The following CADM2 variants were observed in gnomAD, a reference collection of about 807,000 sequenced individuals.
The protein encoded by CADM2 is immunoglobulin superfamily member 4D.
CADM2 carries 12 observed loss-of-function variants against 49.8 expected under a neutral mutation model. That is an observed-to-expected ratio of 0.24 (90% CI 0.15 to 0.39). The LOEUF (loss-of-function observed/expected upper bound fraction) is 0.39, where lower values mean the gene tolerates loss of function less well. Among genes scored for constraint, CADM2 ranks in the 10% least tolerant of loss-of-function variants. CADM2 has a pLI of 1.00. For missense variants in CADM2, 378 were observed against 492.3 expected, an observed-to-expected ratio of 0.77 and a Z score of 2.20; for synonymous variants, 214 against 175.4, an observed-to-expected ratio of 1.22 and a Z score of -1.74.
intron 1 of CADM2, among the ~76,000 whole-genome samples, chr3:85,287,267 C>T (rs1576283892): frequency 6.6e-6 from 1 of 151,520 alleles, no homozygotes; most frequent in African/African-American, 2.4e-5. Context: ...GAGCAATATA[C>T]TTTATGTCCA....
intron 1 of CADM2, among the ~76,000 whole-genome samples, chr3:85,662,088 A>G (rs2065426087): frequency 1.3e-5 from 2 of 152,070 alleles, no homozygotes; most frequent in South Asian, 2.1e-4. Context: ...CCAAATTTCT[A>G]CATCAGTTAA....
chr3:85,629,949 C>T (rs1324911374), intron 1 of CADM2, among the ~76,000 whole-genome samples: 3 of 151,950 alleles, frequency 2.0e-5, no homozygotes, highest in Non-Finnish European at 4.4e-5. Flanking sequence ...TAATTCATGT[C>T]AAATGCTCAT....
chr3:85,055,817 T>A (rs1576126463), intron 1 of CADM2, among the ~76,000 whole-genome samples: 1 of 152,134 alleles, frequency 6.6e-6, no homozygotes, highest in South Asian at 2.1e-4. Context: ...CCTGGAAACT[T>A]GTTAAAAATG....
intron 1 of CADM2, among the ~76,000 whole-genome samples, chr3:85,584,086 G>A (rs547166011): frequency 1.4e-4 from 21 of 152,066 alleles, no homozygotes; most frequent in African/African-American, 5.1e-4. Flanking sequence ...TTTGTAATTA[G>A]TAGAATTGAG....
At chr3:85,534,169 G>A (rs964859066) in intron 1 of CADM2, among the ~76,000 whole-genome samples, 9 of 151,948 alleles carry the variant, frequency 5.9e-5, no homozygotes, top group East Asian at 1.9e-4. Context: ...TGAAATTTGC[G>A]ATGTCTGATA....
intron 1 of CADM2, among the ~76,000 whole-genome samples, chr3:85,066,737 C>A (rs2036541745): frequency 1.3e-5 from 2 of 152,130 alleles, no homozygotes; most frequent in Admixed American, 1.3e-4. Context: ...CTAGTTAAGC[C>A]AAATTGGATA....
At chr3:85,523,101 T>A (rs1559885051) in intron 1 of CADM2, among the ~76,000 whole-genome samples, 1 of 152,056 alleles carries the variant, frequency 6.6e-6, no homozygotes, top group Non-Finnish European at 1.5e-5. Context: ...ATATATTGCC[T>A]ACAAGCTGTA....
rs576628125 is a variant in CADM2, at chr3:85,813,572, G to T, written c.238+11376G>T. ...ATCCCCTTTGTCAATTTTGGCTTTT[G>T]TTGCCATTGTTTTTGTGTTTTACAC... On this transcript the variant is annotated intron_variant, in intron 3 of 9. Coordinates refer to ENST00000383699, the MANE Select transcript of CADM2 (RefSeq NM_001167675.2). Among the ~76,000 whole-genome samples, 6 of 152,258 alleles carry T rather than the reference G, an allele frequency of 3.9e-5. 1 individual carries two copies. The South Asian group carries it at 1.0e-3, about 26-fold the overall frequency.
intron 3 of CADM2, among the ~76,000 whole-genome samples, chr3:85,853,109 A>T (rs2075169973): frequency 6.6e-6 from 1 of 152,108 alleles, no homozygotes; most frequent in South Asian, 2.1e-4. Context: ...TCTTAAAAAA[A>T]TTCTTTCCCT....
At chr3:85,815,362 C>T (rs1559677621) in intron 3 of CADM2, among the ~76,000 whole-genome samples, 1 of 152,116 alleles carries the variant, frequency 6.6e-6, no homozygotes, top group Admixed American at 6.6e-5. Flanking sequence ...TACTGGCAAA[C>T]TGTATCCAGC....
intron 1 of CADM2, among the ~76,000 whole-genome samples, chr3:85,538,410 T>C (rs2061468867): frequency 6.6e-6 from 1 of 151,754 alleles, no homozygotes; most frequent in Non-Finnish European, 1.5e-5. Context: ...CACATGGTTA[T>C]GAAGGGACTA....
chr3:86,010,855 A>C (rs1179206325), intron 8 of CADM2, among the ~76,000 whole-genome samples: 1 of 151,794 alleles, frequency 6.6e-6, no homozygotes, highest in Non-Finnish European at 1.5e-5. Flanking sequence ...TTAATTGCCA[A>C]TAAGGATGAA....
intron 3 of CADM2, among the ~76,000 whole-genome samples, chr3:85,848,235 T>C (rs1453482453): frequency 6.6e-6 from 1 of 152,130 alleles, no homozygotes; most frequent in African/African-American, 2.4e-5. Context: ...AAATGTATAT[T>C]TTTAGTATAT....
At chr3:85,115,788 A>G (rs1452799954) in intron 1 of CADM2, among the ~76,000 whole-genome samples, 1 of 152,130 alleles carries the variant, frequency 6.6e-6, no homozygotes, top group Non-Finnish European at 1.5e-5. Context: ...TTCATATTAG[A>G]CAATGCTAGT....
intron 1 of CADM2, among the ~76,000 whole-genome samples, chr3:85,029,249 T>C (rs2034871025): frequency 6.6e-6 from 1 of 152,182 alleles, no homozygotes; most frequent in South Asian, 2.1e-4. Context: ...CTATACATAT[T>C]CTAGCAATAA....
chr3:85,990,202 T>C (rs1728617657), intron 8 of CADM2, among the ~76,000 whole-genome samples: 1 of 152,080 alleles, frequency 6.6e-6, no homozygotes, highest in Non-Finnish European at 1.5e-5. Flanking sequence ...GTAGAATCCA[T>C]ACTTTGAGTA....
chr3:85,448,194 G>C (rs749928953), intron 1 of CADM2, among the ~76,000 whole-genome samples: 1 of 151,914 alleles, frequency 6.6e-6, no homozygotes, highest in African/African-American at 2.4e-5. Context: ...TTAGCCAGGC[G>C]TGGTGGCGGG....
At chr3:85,545,445 G>T (rs1022409033) in intron 1 of CADM2, among the ~76,000 whole-genome samples, 2 of 152,102 alleles carry the variant, frequency 1.3e-5, no homozygotes, top group African/African-American at 2.4e-5. Context: ...ATAGCCCAAG[G>T]TCAAATAGTT....
chr3:85,441,094 T>A (rs1162737341), intron 1 of CADM2, among the ~76,000 whole-genome samples: 1 of 152,056 alleles, frequency 6.6e-6, no homozygotes, highest in East Asian at 1.9e-4. Context: ...TAACCATAAT[T>A]CTCACATGTA....
Sources: gnomAD v4.1 joint callset for allele counts (sites outside exome capture counted in the v4.1 genomes callset) on GRCh38, gnomAD v4.1.1 for gene constraint, MANE v1.5 for transcripts, NCBI Gene and HGNC (gene_info 2026-07-23, HGNC 2026-07-21) for gene names.